PHACTR1: variants seen among roughly 807,000 people sequenced by gnomAD.
The protein encoded by PHACTR1 is RPEL repeat containing 1.
In PHACTR1, 16 loss-of-function variants were observed where a neutral mutation model predicts 69.2. That is an observed-to-expected ratio of 0.23 (90% confidence interval 0.16 to 0.35). The LOEUF (loss-of-function observed/expected upper bound fraction) is 0.35. PHACTR1 is among the 10% of genes least tolerant of loss of function. The pLI is 1.00. For synonymous variants in PHACTR1, 312 were observed against 284.5 expected (o/e 1.10, Z -0.97); for missense variants, 510 against 734.7 (o/e 0.69, Z 3.54).
At chr6:13,192,748 G>T (rs904449908) in intron 7 of PHACTR1, among the ~76,000 whole-genome samples, 4 of 152,162 alleles carry the variant, frequency 2.6e-5, no homozygotes, top group African/African-American at 7.2e-5. Flanking sequence ...AACATCCCAG[G>T]GGTAAGTTTC....
At chr6:12,742,669 C>A (rs1400133776) in intron 3 of PHACTR1, among the ~76,000 whole-genome samples, 40 of 152,056 alleles carry the variant, frequency 2.6e-4, no homozygotes, top group Non-Finnish European at 1.5e-4. Context: ...TCCCTTTTTA[C>A]AAGAGAACCC....
chr6:13,214,219 G>C (rs1386316847), intron 8 of PHACTR1: 2 of 145,136 alleles, frequency 1.4e-5, no homozygotes, highest in Non-Finnish European at 3.0e-5. Context: ...GCTTTCCCCT[G>C]AAAAAAAAAA....
intron 4 of PHACTR1, among the ~76,000 whole-genome samples, chr6:12,917,872 C>A (rs1787187834): frequency 6.6e-6 from 1 of 152,098 alleles, no homozygotes; most frequent in Non-Finnish European, 1.5e-5. Flanking sequence ...ACTCAGAACT[C>A]GGGAATTTAG....
intron 4 of PHACTR1, among the ~76,000 whole-genome samples, chr6:12,908,058 A>C (rs1785943629): frequency 6.6e-6 from 1 of 152,186 alleles, no homozygotes; most frequent in Non-Finnish European, 1.5e-5. Context: ...TCACCAACTA[A>C]CTCAAGAGAC....
At chr6:12,793,421 GT>G (rs1288036585) in intron 4 of PHACTR1, among the ~76,000 whole-genome samples, 2 of 152,146 alleles carry the variant, frequency 1.3e-5, no homozygotes, top group African/African-American at 4.8e-5. Flanking sequence ...TTCTGTCCTA[GT>G]GCCTTTTTCT....
At chr6:13,122,637 T>C (rs11964549) in intron 5 of PHACTR1, among the ~76,000 whole-genome samples, 12,971 of 152,246 alleles carry the variant, frequency 0.085, 1,796 homozygotes, top group African/African-American at 0.29. Flanking sequence ...GTACTGATCT[T>C]TCTACTTTTA....
intron 4 of PHACTR1, among the ~76,000 whole-genome samples, chr6:13,004,329 G>A (rs975885520): frequency 1.4e-4 from 21 of 152,034 alleles, no homozygotes; most frequent in African/African-American, 4.8e-4. Flanking sequence ...TCTGACTGGT[G>A]TGAGATGGTA....
At chr6:12,907,810 A>G (rs1264296461) in intron 4 of PHACTR1, among the ~76,000 whole-genome samples, 4 of 152,206 alleles carry the variant, frequency 2.6e-5, no homozygotes, top group African/African-American at 4.8e-5. Context: ...CTTGGTCACT[A>G]TTAAAGTTTG....
At chr6:13,244,019 G>A (rs1562058127) in intron 10 of PHACTR1, among the ~76,000 whole-genome samples, 2 of 152,126 alleles carry the variant, frequency 1.3e-5, no homozygotes, top group East Asian at 1.9e-4. Context: ...TTTTTTCAGG[G>A]GACCTGCCCC....
chr6:13,177,172 T>TAAAAAAAAA lies in PHACTR1; in HGVS notation c.497-5324_497-5316dup, dbSNP rs530741132. On this transcript the variant is annotated intron_variant, in intron 6 of 14. Transcript: ENST00000332995. Reference sequence around the variant, plus strand: ...TGGCAAAATAGCAAGACCCCATCTCTAAAAAAAAAAAAAAAAAAAAAAAAA... The same window carrying TAAAAAAAAA: ...TGGCAAAATAGCAAGACCCCATCTCTAAAAAAAAAAAAAAAAAAAAAAAAAAAAAAAAAA... Among the ~76,000 whole-genome samples the TAAAAAAAAA allele has an allele frequency of 4.1e-4, 26 of 63,360 alleles. 3 individuals are homozygous for TAAAAAAAAA. Among genetic ancestry groups the TAAAAAAAAA allele is most frequent in the East Asian group, 2.5e-3 (4 of 1,596 alleles). 41.6% of individuals were successfully genotyped at this position (63,360 alleles called of 152,430 possible).
intron 5 of PHACTR1, among the ~76,000 whole-genome samples, chr6:13,080,405 G>T (rs945164144): frequency 2.0e-5 from 3 of 152,130 alleles, no homozygotes; most frequent in African/African-American, 7.2e-5. Context: ...GGTTTAATTG[G>T]AACTGGGGTG....
At chr6:13,223,208 G>T (rs965988257) in intron 8 of PHACTR1, among the ~76,000 whole-genome samples, 4 of 152,140 alleles carry the variant, frequency 2.6e-5, no homozygotes, top group Non-Finnish European at 5.9e-5. Flanking sequence ...CTTCAAAGAT[G>T]CCATACACAA....
At chr6:13,270,839 G>A (rs1777548497) in intron 10 of PHACTR1, among the ~76,000 whole-genome samples, 1 of 152,028 alleles carries the variant, frequency 6.6e-6, no homozygotes, top group Non-Finnish European at 1.5e-5. Flanking sequence ...TTGGCTCATG[G>A]TTCTGCAGGC....
intron 4 of PHACTR1, among the ~76,000 whole-genome samples, chr6:12,820,494 A>T (rs1776084858): frequency 6.6e-6 from 1 of 152,088 alleles, no homozygotes; most frequent in South Asian, 2.1e-4. Flanking sequence ...AGTGTTTCTA[A>T]TGGTCTAAGT....
At chr6:12,836,650 A>C (rs1444563123) in intron 4 of PHACTR1, among the ~76,000 whole-genome samples, 5 of 152,208 alleles carry the variant, frequency 3.3e-5, no homozygotes, top group Admixed American at 2.6e-4. Context: ...CCTGCAGCAC[A>C]TTCAGCATTA....
intron 4 of PHACTR1, among the ~76,000 whole-genome samples, chr6:12,784,505 T>C (rs1315094408): frequency 6.6e-6 from 1 of 151,498 alleles, no homozygotes; most frequent in East Asian, 1.9e-4. Flanking sequence ...CATATATACA[T>C]ATGTATCTAG....
intron 4 of PHACTR1, among the ~76,000 whole-genome samples, chr6:12,911,843 A>G (rs960961148): frequency 8.5e-5 from 13 of 152,192 alleles, no homozygotes; most frequent in African/African-American, 2.9e-4. Flanking sequence ...CTTCTCCACC[A>G]CCAACTGTGA....
intron 4 of PHACTR1, among the ~76,000 whole-genome samples, chr6:12,950,492 A>G (rs964151599): frequency 6.6e-6 from 1 of 152,196 alleles, no homozygotes; most frequent in African/African-American, 2.4e-5. Flanking sequence ...AGGATTGGAG[A>G]TATGATTGTG....
At chr6:12,721,451 G>A (rs1762117613) in intron 3 of PHACTR1, among the ~76,000 whole-genome samples, 1 of 151,432 alleles carries the variant, frequency 6.6e-6, no homozygotes, top group South Asian at 2.1e-4. Flanking sequence ...AAGTTAAAAA[G>A]TTAAACCTAT....
Sources: gnomAD v4.1 joint callset for allele counts (sites outside exome capture counted in the v4.1 genomes callset) on GRCh38, gnomAD v4.1.1 for gene constraint, MANE v1.5 for transcripts, NCBI Gene and HGNC (gene_info 2026-07-23, HGNC 2026-07-21) for gene names.